Variants in CDKAL1 observed in about 807,000 individuals in gnomAD.
CDKAL1 encodes the protein threonylcarbamoyladenosine tRNA methylthiotransferase.
CDKAL1 carries 32 observed loss-of-function variants against 68.2 expected under a neutral mutation model. The ratio of observed to expected loss-of-function variants is 0.47; its 90% CI spans 0.35 to 0.63. CDKAL1 has a LOEUF of 0.63. Among genes scored for constraint, CDKAL1 ranks in the 30% least tolerant of loss-of-function variants. CDKAL1 has a pLI of 0.00. For synonymous variants in CDKAL1, 234 were observed against 244.3 expected (o/e 0.96, Z 0.39); for missense variants, 606 against 696.7 (o/e 0.87, Z 1.47).
intron 10 of CDKAL1, among the ~76,000 whole-genome samples, chr6:20,986,118 A>G (rs1271005866): frequency 6.6e-6 from 1 of 152,100 alleles, no homozygotes; most frequent in Admixed American, 6.6e-5. Flanking sequence ...CTAATGTGGA[A>G]GTATTATGAT....
At chr6:20,696,984 A>G (rs1562033542) in intron 5 of CDKAL1, among the ~76,000 whole-genome samples, 1 of 152,188 alleles carries the variant, frequency 6.6e-6, no homozygotes, top group African/African-American at 2.4e-5. Context: ...CACATACTTC[A>G]CTACTGAGTG....
chr6:21,172,849 G>T (rs571940727), intron 13 of CDKAL1, among the ~76,000 whole-genome samples: 1 of 152,080 alleles, frequency 6.6e-6, no homozygotes, highest in East Asian at 1.9e-4. Context: ...TGTGTACATT[G>T]GTTTCCTTTG....
chr6:20,594,176 T>C (rs1210702255), intron 4 of CDKAL1, among the ~76,000 whole-genome samples: 1 of 152,210 alleles, frequency 6.6e-6, no homozygotes, highest in Non-Finnish European at 1.5e-5. Flanking sequence ...GAGAGTTCTG[T>C]AGATGTCTAT....
At chr6:21,042,818 T>C (rs1187445412) in intron 11 of CDKAL1, among the ~76,000 whole-genome samples, 2 of 152,222 alleles carry the variant, frequency 1.3e-5, no homozygotes, top group African/African-American at 4.8e-5. Context: ...ATGCTGGTCC[T>C]AACCTCCTTG....
chr6:20,819,215 T>C (rs977728804), intron 8 of CDKAL1, among the ~76,000 whole-genome samples: 1 of 133,110 alleles, frequency 7.5e-6, no homozygotes, highest in African/African-American at 2.6e-5. Context: ...AATGCTTATT[T>C]ATAGTATTTT....
intron 4 of CDKAL1, among the ~76,000 whole-genome samples, chr6:20,648,259 C>G (rs1386453075): frequency 1.3e-5 from 2 of 151,250 alleles, no homozygotes; most frequent in Non-Finnish European, 3.0e-5. Context: ...TCCTGAATAG[C>G]TGAGAGTACA....
At chr6:20,915,753 TGTTC>T (rs1762695436) in intron 9 of CDKAL1, among the ~76,000 whole-genome samples, 2 of 152,174 alleles carry the variant, frequency 1.3e-5, no homozygotes, top group East Asian at 1.9e-4. Flanking sequence ...TATACATGAA[TGTTC>T]ATAGCAGCTT....
At chr6:20,867,000 C>T (rs1032953442) in intron 9 of CDKAL1, among the ~76,000 whole-genome samples, 6 of 152,136 alleles carry the variant, frequency 3.9e-5, no homozygotes, top group Non-Finnish European at 7.4e-5. Context: ...ATACAGTAGA[C>T]CCTTAACATT....
intron 9 of CDKAL1, among the ~76,000 whole-genome samples, chr6:20,858,120 A>G (rs1759432617): frequency 4.6e-5 from 7 of 152,120 alleles, no homozygotes. Flanking sequence ...CGGCCTCCCA[A>G]AGTGCTGGGA....
chr6:20,847,551 T>G lies in CDKAL1; in HGVS notation c.742+1373T>G, dbSNP rs77810020. 5.9e-5 allele frequency among the ~76,000 whole-genome samples: 9 copies of G among 152,356 alleles called. No homozygotes were observed. In the East Asian group the frequency reaches 1.7e-3, roughly 29 times the overall value. ...ATTTCTAAGTGCAACTGCATATAAT[T>G]TTTTTAAAAATCTATTTCATTTTAC... On this transcript the variant is annotated intron_variant, in intron 9 of 15. Coordinates refer to ENST00000274695, the MANE Select transcript of CDKAL1 (RefSeq NM_017774.3).
intron 12 of CDKAL1, among the ~76,000 whole-genome samples, chr6:21,074,964 C>T (rs1458721510): frequency 2.0e-5 from 3 of 151,782 alleles, no homozygotes; most frequent in Admixed American, 2.0e-4. Flanking sequence ...TAATCCTTCA[C>T]CTACTCCTAC....
chr6:21,187,115 CATCTCA>C (rs1043996971), intron 13 of CDKAL1, among the ~76,000 whole-genome samples: 79 of 152,298 alleles, frequency 5.2e-4, no homozygotes, highest in African/African-American at 1.9e-3. Flanking sequence ...TTTGATAACA[CATCTCA>C]ATTGAGATTC....
At chr6:20,758,148 G>C (rs1329462988) in intron 6 of CDKAL1, among the ~76,000 whole-genome samples, 1 of 152,112 alleles carries the variant, frequency 6.6e-6, no homozygotes, top group Non-Finnish European at 1.5e-5. Flanking sequence ...TTCATCAAAA[G>C]GGTTTTGAGT....
chr6:20,905,971 G>A (rs115164480), intron 9 of CDKAL1, among the ~76,000 whole-genome samples: 2,516 of 152,256 alleles, frequency 0.017, 57 homozygotes, highest in African/African-American at 0.05. Context: ...GCAGATTGGC[G>A]TGAAAGGACA....
chr6:20,982,528 A>G (rs1026473106), intron 10 of CDKAL1, among the ~76,000 whole-genome samples: 3 of 152,128 alleles, frequency 2.0e-5, no homozygotes, highest in Non-Finnish European at 4.4e-5. Context: ...AAACACAAAG[A>G]GAGCACTGCA....
intron 13 of CDKAL1, among the ~76,000 whole-genome samples, chr6:21,150,602 A>G (rs1319581967): frequency 6.6e-6 from 1 of 152,168 alleles, no homozygotes; most frequent in African/African-American, 2.4e-5. Context: ...AAACACTCTT[A>G]TCAATTAAAC....
rs535850367 is a variant in CDKAL1 at position 20,649,516 on chromosome 6, T to C, written c.371+139T>C. 1.5e-4 allele frequency: 81 copies of C among 542,896 alleles called. No homozygotes were observed. The East Asian group carries it at 2.4e-3, about 16-fold the overall frequency. 33.6% of individuals were successfully genotyped at this position (542,896 alleles called of 1,614,324 possible). ...GAGTTGGACTTTTAAGATTATACTA[T>C]TTTGAATTTGTCTGATACAGAATGA... On this transcript the variant is annotated intron_variant, in intron 5 of 15. Coordinates refer to ENST00000274695, the MANE Select transcript of CDKAL1 (RefSeq NM_017774.3).
At chr6:20,544,965 T>TTGTGTG (rs70990042) in intron 2 of CDKAL1, among the ~76,000 whole-genome samples, 97 of 149,470 alleles carry the variant, frequency 6.5e-4, no homozygotes, top group African/African-American at 2.0e-3. Context: ...GATTACAGTT[T>TTGTGTG]TGTGTGTGTG....
chr6:21,192,254 C>G (rs1305181947), intron 13 of CDKAL1, among the ~76,000 whole-genome samples: 2 of 150,984 alleles, frequency 1.3e-5, no homozygotes, highest in East Asian at 3.9e-4. Context: ...ATCTCCTGAC[C>G]TCATGATCCA....
Sources: allele counts gnomAD v4.1 joint callset (sites outside exome capture counted in the v4.1 genomes callset), GRCh38; gene constraint gnomAD v4.1.1; transcripts MANE v1.5; gene names NCBI Gene and HGNC (gene_info 2026-07-23, HGNC 2026-07-21).